The following KDM5B variants were observed in gnomAD, a reference collection of about 807,000 sequenced individuals.
The protein encoded by KDM5B is lysine demethylase 5B.
Under a neutral mutation model 193.4 loss-of-function variants are expected in KDM5B, and 144 were observed. That is an observed-to-expected ratio of 0.74 (90% CI 0.65 to 0.86). The LOEUF (loss-of-function observed/expected upper bound fraction) is 0.86. KDM5B is among the 40% of genes least tolerant of loss of function. The probability of loss-of-function intolerance (pLI) is 0.00; values close to 1 mark genes in which losing one functional copy is unlikely to be tolerated. For synonymous variants in KDM5B, 668 were observed against 682.6 expected, an observed-to-expected ratio of 0.98 and a Z score of 0.33; for missense variants, 1,833 against 1,886.9, an observed-to-expected ratio of 0.97 and a Z score of 0.53.
At chr1:202,738,619 C>A (rs1655183949) in intron 20 of KDM5B, among the ~76,000 whole-genome samples, 1 of 152,168 alleles carries the variant, frequency 6.6e-6, no homozygotes, top group Non-Finnish European at 1.5e-5. Context: ...CTTAAAATTA[C>A]ACAAATATTC....
chr1:202,770,538 TTA>T (rs2102291170), intron 4 of KDM5B, among the ~76,000 whole-genome samples: 1 of 152,332 alleles, frequency 6.6e-6, no homozygotes, highest in South Asian at 2.1e-4. Flanking sequence ...CATCATAGTA[TTA>T]TAATAAAAAA....
intron 16 of KDM5B, among the ~76,000 whole-genome samples, chr1:202,743,336 CAAAAAAAAAA>C (rs56202317): frequency 6.3e-5 from 5 of 79,426 alleles, no homozygotes; most frequent in East Asian, 3.1e-4. Context: ...GACCTTGTCT[CAAAAAAAAAA>C]AAAAAAAAAA....
At chr1:202,758,130 TTTTC>T (rs1656092979) in intron 9 of KDM5B, among the ~76,000 whole-genome samples, 1 of 152,220 alleles carries the variant, frequency 6.6e-6, no homozygotes. Context: ...TTGCTGATGA[TTTTC>T]TTTATTAGTG....
At position 202,731,904 on chromosome 1, in the gene KDM5B, C is replaced by T. The variant is rs1297267799; in HGVS notation, c.3945G>A (p.Leu1315=). The T allele has an allele frequency of 1.3e-5, 21 of 1,613,056 alleles. No homozygotes were observed. The highest frequency in any genetic ancestry group is 1.7e-5 in the Non-Finnish European group (20 of 1,179,656). Residue 1315 remains leucine (L), a synonymous_variant, in exon 24 of 27, where the codon TTG becomes TTA. Transcript: ENST00000367265. ...AGGTTCTGTTGTCCCAGTCATCAGG[C>T]AAAGAAAATGATGTTGTGCCAGGAG... ...SQPPGTTSFS[L]PDDWDNRTSY...
At chr1:202,807,452 C>G (rs899213256) in intron 1 of KDM5B, among the ~76,000 whole-genome samples, 1 of 151,190 alleles carries the variant, frequency 6.6e-6, no homozygotes. Flanking sequence ...CAGCGCTGGC[C>G]GCCCCCTTCT....
intron 18 of KDM5B, among the ~76,000 whole-genome samples, 171 bp from the exon 19 acceptor site, chr1:202,741,893 A>G (rs1391490471): frequency 6.6e-6 from 1 of 152,188 alleles, no homozygotes; most frequent in Admixed American, 6.5e-5. Context: ...AAGTGACTAT[A>G]ACAGACACCT....
intron 5 of KDM5B, chr1:202,766,366 C>T (rs779077605): frequency 1.3e-5 from 4 of 317,974 alleles, no homozygotes; most frequent in South Asian, 7.2e-5. Context: ...ATTAGCCGGG[C>T]GTGGTGGCAC....
chr1:202,745,965 T>C lies in KDM5B; in HGVS notation c.2216A>G (p.Asp739Gly). The C allele has an allele frequency of 6.2e-7, 1 of 1,613,960 alleles. No individual in the cohort carries two copies. The highest frequency in any genetic ancestry group is 2.2e-5 in the East Asian group (1 of 44,878). Residue 739 changes from aspartate to glycine, a missense_variant, in exon 16 of 27, where the codon GAT becomes GGT. By Grantham distance (94) the Asp-to-Gly change is moderately conservative. This residue lies in a region of KDM5B where 1,379 missense variants were observed against 1,349.6 expected (regional missense o/e 1.02). Transcript: ENST00000367265. ...KYKLRYRYTL[D>G]DLYPMMNALK... Reference sequence around the variant, plus strand: ...TGCATTCATCATAGGGTAGAGATCATCCAGCGTGTACCTATACCTGGAAAT... The same window carrying C: ...TGCATTCATCATAGGGTAGAGATCACCCAGCGTGTACCTATACCTGGAAAT...
At chr1:202,769,474 A>T (rs1489477856) in intron 4 of KDM5B, among the ~76,000 whole-genome samples, 1 of 151,484 alleles carries the variant, frequency 6.6e-6, no homozygotes, top group African/African-American at 2.4e-5. Flanking sequence ...GTTCGAAACC[A>T]GCTTGGCCAA....
intron 2 of KDM5B, among the ~76,000 whole-genome samples, chr1:202,775,880 ATATAT>A (rs367567192): frequency 1.4e-3 from 88 of 62,540 alleles, no homozygotes; most frequent in African/African-American, 1.6e-3. Context: ...AAAAAAAAAA[ATATAT>A]ATATATATAT....
In KDM5B at chr1:202,735,672, A is replaced by C. The variant is rs1028686436; in HGVS notation, c.3265-85T>G. The C allele has an allele frequency of 3.0e-5, 38 of 1,258,718 alleles. 2 individuals carry two copies. The highest frequency in any genetic ancestry group is 1.3e-5 in the South Asian group (1 of 74,234). 78.0% of individuals were successfully genotyped at this position (1,258,718 alleles called of 1,614,324 possible). A position where few individuals can be genotyped will look rare whatever the true frequency, so the allele number is the denominator to read the frequency against. ...GAAGTCCCAAAATAAAAGCCTAAGC[A>C]GTAAAAAGGATGTGCATTTCTTAGT... is the stretch of plus-strand genomic sequence containing the variant. On this transcript the variant is annotated intron_variant, in intron 21 of 26. Transcript: ENST00000367265.
intron 20 of KDM5B, among the ~76,000 whole-genome samples, chr1:202,738,272 T>C (rs1655170887): frequency 6.6e-6 from 1 of 152,230 alleles, no homozygotes; most frequent in African/African-American, 2.4e-5. Flanking sequence ...AGCATGCCCT[T>C]GCTTTCTGAT....
At position 202,778,874 on chromosome 1, in the gene KDM5B, G is replaced by A. The variant is rs180784278; in HGVS notation, c.205-1780C>T. 3.6e-3 allele frequency among the ~76,000 whole-genome samples: 553 copies of A among 152,064 alleles called. 5 individuals carry two copies. The highest frequency in any genetic ancestry group is 0.013 in the South Asian group (63 of 4,824). On this transcript the variant is annotated intron_variant, in intron 1 of 26. Transcript: ENST00000367265. ...TGACCTCATATGATCCGCCTGCCTC[G>A]GCCTCCCAAAGTGCCGGGATTACAA...
At chr1:202,768,906 G>A (rs1023667354) in intron 4 of KDM5B, among the ~76,000 whole-genome samples, 2 of 150,934 alleles carry the variant, frequency 1.3e-5, no homozygotes, top group African/African-American at 2.4e-5. Context: ...TAGTAGAGAC[G>A]GGGTTTCTCC....
In KDM5B at chr1:202,756,414, A is replaced by G; in HGVS notation, c.1300T>C (p.Phe434Leu). ...TCTCGGACAGGAAAGCCACTGCCAA[A>G]TTCCTTTGAGGCAATGTCAGCTCCA... ...EYGADIASKE[F>L]GSGFPVRDGK... is the part of the protein sequence containing the mutation. The change falls in exon 10 of 27, where the codon TTT becomes CTT. Residue 434 changes from phenylalanine to leucine, a missense_variant. Transcript: ENST00000367265. 6.2e-7 allele frequency: 1 copy of G among 1,613,702 alleles called. No homozygotes were observed. Among genetic ancestry groups the G allele is most frequent in the Non-Finnish European group, 8.5e-7 (1 of 1,179,782 alleles).
chr1:202,756,086 A>C lies in KDM5B; in HGVS notation c.1356+272T>G, dbSNP rs570322222. On this transcript the variant is annotated intron_variant, in intron 10 of 26. Coordinates refer to ENST00000367265, the MANE Select transcript of KDM5B (RefSeq NM_006618.5). ...CAAAAATATTAAAGTTTGAAAATAA[A>C]TAGACCTGGTCTCAGGCCTTCAGGT... 2.5e-3 allele frequency among the ~76,000 whole-genome samples: 379 copies of C among 152,322 alleles called. 2 individuals carry two copies. Among genetic ancestry groups the C allele is most frequent in the Non-Finnish European group, 2.7e-3 (185 of 68,024 alleles).
At chr1:202,801,211 C>T (rs960267779) in intron 1 of KDM5B, among the ~76,000 whole-genome samples, 1 of 151,716 alleles carries the variant, frequency 6.6e-6, no homozygotes, top group African/African-American at 2.4e-5. Context: ...CCTGAAGTGA[C>T]GGGTCTGGCA....
chr1:202,802,537 C>T (rs6677515), intron 1 of KDM5B, among the ~76,000 whole-genome samples: 11,902 of 151,990 alleles, frequency 0.078, 553 homozygotes, highest in African/African-American at 0.12. Context: ...GGATTGCAGG[C>T]GCCTGCCACC....
At position 202,779,994 on chromosome 1, in the gene KDM5B, T is replaced by A. The variant is rs972870307; in HGVS notation, c.205-2900A>T. Among the ~76,000 whole-genome samples, 5 of 152,018 alleles carry A rather than the reference T, an allele frequency of 3.3e-5. No individual in the cohort carries two copies. The South Asian group carries it at 6.2e-4, about 19-fold the overall frequency. On this transcript the variant is annotated intron_variant, in intron 1 of 26. Transcript: ENST00000367265. ...TTTATAAAGAGTTCATAACAATCAATAAGACAAAATAATAACTTACAGAAA... is the reference window on the plus strand; with the variant it reads ...TTTATAAAGAGTTCATAACAATCAAAAAGACAAAATAATAACTTACAGAAA...
Sources: allele counts gnomAD v4.1 joint callset (sites outside exome capture counted in the v4.1 genomes callset), GRCh38; gene constraint gnomAD v4.1.1; regional missense constraint gnomAD v4.1.1; transcripts MANE v1.5; gene names NCBI Gene and HGNC (gene_info 2026-07-23, HGNC 2026-07-21).